The following ANO2 variants were observed in gnomAD, a reference collection of about 807,000 sequenced individuals.
ANO2 encodes anoctamin-2.
Under a neutral mutation model 124.2 loss-of-function variants are expected in ANO2, and 101 were observed. That is an observed-to-expected ratio of 0.81 (90% confidence interval 0.69 to 0.96). ANO2 has a LOEUF of 0.96. Ranked by LOEUF, ANO2 falls within the 40% of genes least tolerant of loss-of-function variation. The probability of loss-of-function intolerance (pLI) is 0.00; values close to 1 mark genes in which losing one functional copy is unlikely to be tolerated. For synonymous variants in ANO2, 486 were observed against 482.5 expected (o/e 1.01, Z -0.09); for missense variants, 1,293 against 1,274.5 (o/e 1.01, Z -0.22).
rs140629430 is a variant in ANO2 at position 5,684,911 on chromosome 12, G to A, written c.1546-37110C>T. The stretch of plus-strand genomic sequence containing the variant: ...TCTGGCTCTACTGCTTATTAGCCTG[G>A]GAGACTCAAGCACATGACCTGTTTT... On this transcript the variant is annotated intron_variant, in intron 14 of 24. Transcript: ENST00000682330. Among the ~76,000 whole-genome samples, 219 of 152,270 alleles carry A rather than the reference G, an allele frequency of 1.4e-3. 1 individual carries two copies. Among genetic ancestry groups the A allele is most frequent in the African/African-American group, 4.6e-3 (192 of 41,540 alleles).
At chr12:5,611,138 T>G (rs1944527696) in intron 19 of ANO2, among the ~76,000 whole-genome samples, 1 of 151,432 alleles carries the variant, frequency 6.6e-6, no homozygotes, top group South Asian at 2.1e-4. Context: ...ACCCGGCTAA[T>G]TTTGTATTTT....
chr12:5,640,118 A>G (rs1946258568), intron 15 of ANO2, among the ~76,000 whole-genome samples: 1 of 152,186 alleles, frequency 6.6e-6, no homozygotes, highest in Admixed American at 6.5e-5. Flanking sequence ...GGTTTCTAAC[A>G]CAAGGAGGCA....
chr12:5,732,889 G>A (rs751929064), intron 13 of ANO2: 34 of 1,613,826 alleles, frequency 2.1e-5, no homozygotes, highest in Non-Finnish European at 2.4e-5. Flanking sequence ...TGGGGATAGC[G>A]CCGGTGTTGA....
At chr12:5,742,447 T>C (rs1393906618) in intron 12 of ANO2, among the ~76,000 whole-genome samples, 1 of 152,024 alleles carries the variant, frequency 6.6e-6, no homozygotes, top group Non-Finnish European at 1.5e-5. Flanking sequence ...TTCCCTGCAC[T>C]GTGATGTGAA....
At chr12:5,667,598 A>G (rs571623996) in intron 14 of ANO2, among the ~76,000 whole-genome samples, 2 of 152,286 alleles carry the variant, frequency 1.3e-5, no homozygotes, top group African/African-American at 4.8e-5. Context: ...CAGGTTTGTT[A>G]CATAGGTAAA....
chr12:5,832,433 C>T lies in ANO2; in HGVS notation c.785+19G>A, dbSNP rs771137422. On this transcript the variant is annotated intron_variant, in intron 5 of 24. Transcript: ENST00000682330. The stretch of plus-strand genomic sequence containing the variant: ...CCTATCCCTTCCCACATCTCTGCTC[C>T]AGCAGCTTCAATACTCACAGGTACA... 8.1e-6 allele frequency: 13 copies of T among 1,613,486 alleles called. No homozygotes were observed. The Admixed American group carries it at 1.5e-4, about 19-fold the overall frequency.
intron 14 of ANO2, among the ~76,000 whole-genome samples, chr12:5,694,479 T>A (rs980752302): frequency 1.3e-5 from 2 of 152,040 alleles, no homozygotes; most frequent in African/African-American, 4.8e-5. Context: ...AGCTCCCGAG[T>A]GTCCCCACAA....
intron 3 of ANO2, among the ~76,000 whole-genome samples, chr12:5,863,221 T>C (rs60655680): frequency 0.017 from 2,633 of 152,272 alleles, 69 homozygotes; most frequent in African/African-American, 0.056. Flanking sequence ...AGAGAACCTC[T>C]TCCCCACTCA....
At position 5,743,864 on chromosome 12, in the gene ANO2, T is replaced by C. The variant is rs1184479054; in HGVS notation, c.1351+293A>G. Among the ~76,000 whole-genome samples the C allele has an allele frequency of 5.9e-5, 9 of 152,170 alleles. No individual in the cohort carries two copies. In the East Asian group the frequency reaches 1.4e-3, roughly 23 times the overall value. On this transcript the variant is annotated intron_variant, in intron 12 of 24. Coordinates refer to ENST00000682330, the MANE Select transcript of ANO2 (RefSeq NM_001364791.2). Reference sequence around the variant, plus strand: ...ACCTGCAGGAGTCTTACAGGTGTGCTAGGAGTTTTCAAAACAGGCATTGGT... The same window carrying C: ...ACCTGCAGGAGTCTTACAGGTGTGCCAGGAGTTTTCAAAACAGGCATTGGT...
At chr12:5,894,361 T>C (rs1030280040) in intron 3 of ANO2, among the ~76,000 whole-genome samples, 1 of 152,216 alleles carries the variant, frequency 6.6e-6, no homozygotes, top group Non-Finnish European at 1.5e-5. Context: ...GCAAATTTGT[T>C]TAAGTTCTTG....
intron 19 of ANO2, among the ~76,000 whole-genome samples, chr12:5,607,128 A>G (rs756564035): frequency 5.3e-5 from 8 of 151,578 alleles, no homozygotes; most frequent in Admixed American, 2.0e-4. Flanking sequence ...AAAGAATTCC[A>G]TGTAGGCTCT....
At chr12:5,641,260 A>G (rs1460123043) in intron 15 of ANO2, among the ~76,000 whole-genome samples, 1 of 152,134 alleles carries the variant, frequency 6.6e-6, no homozygotes, top group Non-Finnish European at 1.5e-5. Context: ...GCATTAGGAG[A>G]AATACCTAAT....
rs370556103 is a variant in ANO2, at chr12:5,599,493, T to C, written c.2224A>G (p.Met742Val). ...GACCATGGGTTCTCACTCATTTCCA[T>C]GTACTCCGGAGTCAGTCCTGTGTAT... ...EPYTGLTPEY[M>V]EMIIQFGFVT... is the part of the protein sequence containing the mutation. The change falls in exon 20 of 25, where the codon ATG becomes GTG. Residue 742 changes from methionine (M) to valine (V), a missense_variant. Coordinates refer to ENST00000682330, the MANE Select transcript of ANO2 (RefSeq NM_001364791.2). The C allele has an allele frequency of 8.7e-6, 14 of 1,604,678 alleles. No individual in the cohort carries two copies. The highest frequency in any genetic ancestry group is 1.0e-5 in the Non-Finnish European group (12 of 1,177,708).
At chr12:5,646,931 C>A (rs543261419) in intron 15 of ANO2, among the ~76,000 whole-genome samples, 3 of 152,134 alleles carry the variant, frequency 2.0e-5, no homozygotes, top group Admixed American at 6.5e-5. Flanking sequence ...ACAACAATTT[C>A]CAGACCAATT....
chr12:5,866,960 G>A (rs1323749768), intron 3 of ANO2, among the ~76,000 whole-genome samples: 1 of 152,206 alleles, frequency 6.6e-6, no homozygotes, highest in East Asian at 1.9e-4. Flanking sequence ...ACAAATACAA[G>A]TGATAGCAGG....
At chr12:5,716,257 T>C (rs76081615) in intron 14 of ANO2, among the ~76,000 whole-genome samples, 1,755 of 152,318 alleles carry the variant, frequency 0.012, 37 homozygotes, top group African/African-American at 0.039. Context: ...AAGGAGGATG[T>C]GCTGAGCCAA....
At chr12:5,784,171 G>A (rs545080440) in intron 10 of ANO2, among the ~76,000 whole-genome samples, 63 of 151,670 alleles carry the variant, frequency 4.2e-4, no homozygotes, top group Admixed American at 7.9e-4. Context: ...TATCTGGAAT[G>A]TCCATCCCCC....
intron 17 of ANO2, among the ~76,000 whole-genome samples, chr12:5,614,854 T>A (rs192696337): frequency 6.6e-6 from 1 of 152,166 alleles, no homozygotes; most frequent in African/African-American, 2.4e-5. Context: ...GGCATCAGAA[T>A]TGCATTACAA....
intron 14 of ANO2, among the ~76,000 whole-genome samples, chr12:5,681,701 T>C (rs922463501): frequency 5.3e-5 from 8 of 152,246 alleles, no homozygotes; most frequent in African/African-American, 1.9e-4. Context: ...TTCAGTTTCA[T>C]ATCCTCTTCT....
Sources: gnomAD v4.1 joint callset for allele counts (sites outside exome capture counted in the v4.1 genomes callset) on GRCh38, gnomAD v4.1.1 for gene constraint, MANE v1.5 for transcripts, NCBI Gene and HGNC (gene_info 2026-07-23, HGNC 2026-07-21) for gene names.